PTPRR: variants seen among roughly 807,000 people sequenced by gnomAD.
PTPRR encodes protein tyrosine phosphatase receptor type R.
Under a neutral mutation model 77.2 loss-of-function variants are expected in PTPRR, and 38 were observed. That is an observed-to-expected ratio of 0.49 (90% confidence interval 0.38 to 0.65). The LOEUF (loss-of-function observed/expected upper bound fraction) is 0.65. Among genes scored for constraint, PTPRR ranks in the 30% least tolerant of loss-of-function variants. The probability of loss-of-function intolerance (pLI) is 0.00; values close to 1 mark genes in which losing one functional copy is unlikely to be tolerated. For synonymous variants in PTPRR, 299 were observed against 283.1 expected, an observed-to-expected ratio of 1.06 and a Z score of -0.57; for missense variants, 744 against 799.2, an observed-to-expected ratio of 0.93 and a Z score of 0.83.
intron 2 of PTPRR, among the ~76,000 whole-genome samples, chr12:70,848,964 T>A (rs1378359861): frequency 6.6e-6 from 1 of 152,236 alleles, no homozygotes; most frequent in East Asian, 1.9e-4. Flanking sequence ...GACTGCTTCA[T>A]CTTGATGTAA....
chr12:70,833,760 G>A (rs1892255710), intron 2 of PTPRR, among the ~76,000 whole-genome samples: 1 of 152,118 alleles, frequency 6.6e-6, no homozygotes, highest in South Asian at 2.1e-4. Flanking sequence ...GACTCCTGGT[G>A]GATCTAAGTG....
intron 6 of PTPRR, among the ~76,000 whole-genome samples, chr12:70,742,858 C>A (rs1425104221): frequency 6.6e-6 from 1 of 151,854 alleles, no homozygotes; most frequent in African/African-American, 2.4e-5. Flanking sequence ...CACGGAGAAG[C>A]TGAGGATATT....
At chr12:70,858,714 C>T (rs1892695614) in intron 2 of PTPRR, among the ~76,000 whole-genome samples, 1 of 151,960 alleles carries the variant, frequency 6.6e-6, no homozygotes, top group East Asian at 1.9e-4. Context: ...TCATCCCATC[C>T]ACCTAGATGA....
At chr12:70,868,726 A>G (rs1892905437) in intron 2 of PTPRR, among the ~76,000 whole-genome samples, 1 of 152,126 alleles carries the variant, frequency 6.6e-6, no homozygotes, top group East Asian at 1.9e-4. Flanking sequence ...TGCTATAAAG[A>G]CACATGCACA....
At chr12:70,868,211 T>G (rs1892893330) in intron 2 of PTPRR, among the ~76,000 whole-genome samples, 1 of 152,058 alleles carries the variant, frequency 6.6e-6, no homozygotes, top group South Asian at 2.1e-4. Flanking sequence ...CTAAAGAGCT[T>G]CTGCACAGCA....
chr12:70,736,533 C>T (rs1244413505), intron 6 of PTPRR, among the ~76,000 whole-genome samples: 1 of 152,102 alleles, frequency 6.6e-6, no homozygotes, highest in Non-Finnish European at 1.5e-5. Context: ...CACAATCCTA[C>T]TGACTTACTA....
intron 6 of PTPRR, among the ~76,000 whole-genome samples, chr12:70,701,735 G>A (rs1409407610): frequency 2.0e-5 from 3 of 152,154 alleles, no homozygotes; most frequent in Non-Finnish European, 4.4e-5. Flanking sequence ...CACTTTGGGA[G>A]GCTGAGGTGG....
intron 6 of PTPRR, among the ~76,000 whole-genome samples, chr12:70,730,865 A>G (rs563414224): frequency 6.7e-6 from 1 of 150,018 alleles, no homozygotes; most frequent in East Asian, 2.0e-4. Flanking sequence ...AGGAAGGAGG[A>G]AGGAGATAGA....
At chr12:70,901,861 A>G (rs1893540777) in intron 1 of PTPRR, among the ~76,000 whole-genome samples, 1 of 151,766 alleles carries the variant, frequency 6.6e-6, no homozygotes, top group Non-Finnish European at 1.5e-5. Flanking sequence ...AATCTTCACA[A>G]TCTATTCTAT....
chr12:70,644,895 G>A (rs1325058479), intron 13 of PTPRR, among the ~76,000 whole-genome samples: 2 of 152,164 alleles, frequency 1.3e-5, no homozygotes, highest in African/African-American at 2.4e-5. Context: ...ACAGATTCAG[G>A]TTTGAATCCT....
intron 1 of PTPRR, among the ~76,000 whole-genome samples, chr12:70,911,541 A>C (rs1437265110): frequency 6.6e-6 from 1 of 152,166 alleles, no homozygotes; most frequent in African/African-American, 2.4e-5. Flanking sequence ...ATCCAAGAGA[A>C]ATTTTTATTT....
At chr12:70,759,629 C>T (rs550310335) in intron 4 of PTPRR, among the ~76,000 whole-genome samples, 7 of 132,982 alleles carry the variant, frequency 5.3e-5, no homozygotes, top group East Asian at 2.2e-4. Context: ...TGCAGTGAGC[C>T]GAGATGCACC....
chr12:70,857,763 C>A (rs904910332), intron 2 of PTPRR, among the ~76,000 whole-genome samples: 1 of 152,000 alleles, frequency 6.6e-6, no homozygotes, highest in African/African-American at 2.4e-5. Flanking sequence ...ACAAAGTTTA[C>A]CCTAGGGAGA....
chr12:70,641,734 T>C (rs1315757367), intron 13 of PTPRR, among the ~76,000 whole-genome samples: 2 of 152,220 alleles, frequency 1.3e-5, no homozygotes, highest in Admixed American at 1.3e-4. Flanking sequence ...TTAGAAATCT[T>C]GCAATTTTAG....
chr12:70,639,253 C>G lies in PTPRR; in HGVS notation c.1905G>C (p.Glu635Asp), dbSNP rs1885899298. ...GAGCATGGTGCACAAATTCATACTG[C>G]TCACTGGTTTGCACCATTCCACCTC... is the stretch of plus-strand genomic sequence containing the variant. ...MDRGGMVQTS[E>D]QYEFVHHALC... Residue 635 changes from glutamate to aspartate, a missense_variant, in exon 14 of 14, where the codon GAG becomes GAC. By Grantham distance (45) the Glu-to-Asp change is conservative. Coordinates refer to ENST00000283228, the MANE Select transcript of PTPRR (RefSeq NM_002849.4). 6.2e-7 allele frequency: 1 copy of G among 1,613,416 alleles called. No homozygotes were observed.
At chr12:70,786,193 G>C (rs145959781) in intron 2 of PTPRR, among the ~76,000 whole-genome samples, 25 of 152,262 alleles carry the variant, frequency 1.6e-4, no homozygotes, top group Admixed American at 1.6e-3. Context: ...AATCATCACA[G>C]CCCTGACCTC....
At chr12:70,915,646 G>A (rs976681838) in intron 1 of PTPRR, among the ~76,000 whole-genome samples, 1 of 152,166 alleles carries the variant, frequency 6.6e-6, no homozygotes, top group East Asian at 1.9e-4. Flanking sequence ...TTTTCACTGA[G>A]TTGATTAGTA....
In PTPRR at chr12:70,777,743, T is replaced by G. The variant is rs958626827; in HGVS notation, c.358-12965A>C. Among the ~76,000 whole-genome samples the G allele has an allele frequency of 2.7e-3, 417 of 152,264 alleles. 2 individuals are homozygous for G. The highest frequency in any genetic ancestry group is 8.8e-3 in the African/African-American group (365 of 41,550). ...GGTCCAGGGTCACCCTAAAACTGCA[T>G]TAAAAATGGTGGAGCTACACAAAGG... On this transcript the variant is annotated intron_variant, in intron 2 of 13. Transcript: ENST00000283228.
chr12:70,701,334 G>T lies in PTPRR; in HGVS notation c.1008-11C>A. ...ACGTTGGACCCTCTTCTACATTGGA[G>T]AAGAATGTTATGTTTAAACACCACA... On this transcript the variant is annotated splice_polypyrimidine_tract_variant and intron_variant, in intron 6 of 13. Coordinates refer to ENST00000283228, the MANE Select transcript of PTPRR (RefSeq NM_002849.4). The T allele has an allele frequency of 1.2e-6, 2 of 1,610,488 alleles. No homozygotes were observed. The highest frequency in any genetic ancestry group is 4.5e-5 in the East Asian group (2 of 44,796).
Sources: gnomAD v4.1 joint callset for allele counts (sites outside exome capture counted in the v4.1 genomes callset) on GRCh38, gnomAD v4.1.1 for gene constraint, MANE v1.5 for transcripts, NCBI Gene and HGNC (gene_info 2026-07-23, HGNC 2026-07-21) for gene names.